The following TTPAL variants were observed in gnomAD, a reference collection of about 807,000 sequenced individuals.
TTPAL encodes the protein alpha tocopherol transfer protein like.
TTPAL carries 21 observed loss-of-function variants against 28.7 expected under a neutral mutation model. The observed-to-expected ratio is 0.73, with a 90% CI of 0.52 to 1.06. TTPAL has a LOEUF of 1.06. Among genes scored for constraint, TTPAL ranks in the 50% least tolerant of loss-of-function variants. TTPAL has a pLI of 0.00. For synonymous variants in TTPAL, 169 were observed against 171.9 expected (o/e 0.98, Z 0.13); for missense variants, 345 against 425.5 (o/e 0.81, Z 1.67).
At chr20:44,489,163 T>C in intron 4 of TTPAL, 100 bp from the exon 5 acceptor site, 1 of 1,342,958 alleles carries the variant, frequency 7.4e-7, no homozygotes. Context: ...ATTTCCTTTC[T>C]TCATTCAACA....
chr20:44,479,411 T>C (rs6103749), intron 1 of TTPAL, among the ~76,000 whole-genome samples: 16,592 of 51,152 alleles, frequency 0.32, 2,166 homozygotes, highest in African/African-American at 0.56. Flanking sequence ...TTTTTTTTTT[T>C]TTTTTTTTTT....
In TTPAL at chr20:44,486,802, C is replaced by A; in HGVS notation, c.750+96C>A. 3 of 695,250 alleles carry A rather than the reference C, an allele frequency of 4.3e-6. 1 individual carries two copies. In the South Asian group the frequency reaches 5.7e-5, roughly 13 times the overall value. The allele number at this position is 695,250 out of a possible 1,614,324, so 43.1% of individuals were successfully genotyped here. ...GTTTATTATTTTTGCCCTGGAACAA[C>A]TAATTTGGAAAAGTACAGAGTTACA... is the stretch of plus-strand genomic sequence containing the variant. On this transcript the variant is annotated intron_variant, in intron 4 of 4. Transcript: ENST00000262605.
In TTPAL at chr20:44,480,494, G is replaced by A; in HGVS notation, c.445+50G>A. ...TGTGTGTGTCCAGTCCTTCTGCAGTGTGTCCATTCAGCACCCTGTCCTCCT... is the reference window on the plus strand; with the variant it reads ...TGTGTGTGTCCAGTCCTTCTGCAGTATGTCCATTCAGCACCCTGTCCTCCT... On this transcript the variant is annotated intron_variant, in intron 2 of 4. Transcript: ENST00000262605. This position sits in a 1 kb window ranked among gnomAD's most constrained non-coding sequence, Gnocchi z 4.1. 6.6e-7 allele frequency: 1 copy of A among 1,504,374 alleles called. No individual in the cohort carries two copies. Among genetic ancestry groups the A allele is most frequent in the Non-Finnish European group, 8.9e-7 (1 of 1,120,056 alleles). 93.2% of individuals were successfully genotyped at this position (1,504,374 alleles called of 1,614,324 possible). A position where few individuals can be genotyped will look rare whatever the true frequency, so the allele number is the denominator to read the frequency against.
chr20:44,485,830 T>A (rs918748009), intron 3 of TTPAL: 5 of 152,186 alleles, frequency 3.3e-5, no homozygotes, highest in Non-Finnish European at 7.3e-5. Context: ...TCTTGTGAAT[T>A]TCACTGTAAG....
intron 2 of TTPAL, among the ~76,000 whole-genome samples, chr20:44,483,517 C>T (rs1158336625): frequency 6.6e-6 from 1 of 152,170 alleles, no homozygotes; most frequent in Non-Finnish European, 1.5e-5. Context: ...CAATCAATCC[C>T]CAGTCACTTG....
At position 44,480,322 on chromosome 20, in the gene TTPAL, G is replaced by C; in HGVS notation, c.323G>C (p.Ser108Thr). Reference protein sequence around the residue: ...LLVNYHSCRRSWPEVFNNLKP... With the variant: ...LLVNYHSCRRTWPEVFNNLKP... The stretch of plus-strand genomic sequence containing the variant: ...GTCAACTACCACAGCTGTAGAAGAA[G>C]CTGGCCCGAAGTCTTCAATAACTTG... Residue 108 changes from serine (S) to threonine (T), a missense_variant, in exon 2 of 5, where the codon AGC (serine) becomes ACC (threonine). Physicochemically the swap from Ser to Thr is moderately conservative, Grantham distance 58. Transcript: ENST00000262605. The surrounding 1 kb of genome is among the most constrained non-coding windows in gnomAD (Gnocchi z 4.1). 1 of 1,614,170 alleles carries C rather than the reference G, an allele frequency of 6.2e-7. No individual in the cohort carries two copies. The highest frequency in any genetic ancestry group is 8.5e-7 in the Non-Finnish European group (1 of 1,180,038).
rs1016097965 is a variant in TTPAL at position 44,480,049 on chromosome 20, T to C, written c.50T>C (p.Leu17Pro). ...AGAACCAGCCCTTCTGTGGCCTCACTCTCTGAAAATGAGCTGCCACCACCA... is the reference window on the plus strand; with the variant it reads ...AGAACCAGCCCTTCTGTGGCCTCACCCTCTGAAAATGAGCTGCCACCACCA... ...SLRTSPSVAS[L>P]SENELPPPPE... The change falls in exon 2 of 5, where the codon CTC becomes CCC. Residue 17 changes from leucine to proline, a missense_variant. Coordinates refer to ENST00000262605, the MANE Select transcript of TTPAL (RefSeq NM_001039199.3). This position sits in a 1 kb window ranked among gnomAD's most constrained non-coding sequence, Gnocchi z 4.1. The C allele has an allele frequency of 4.3e-6, 7 of 1,613,990 alleles. No homozygotes were observed. The South Asian group carries it at 7.7e-5, about 18-fold the overall frequency.
In TTPAL at chr20:44,489,928, C is replaced by T; in HGVS notation, c.*387C>T. 1 of 206,044 alleles carries T rather than the reference C, an allele frequency of 4.9e-6. No individual in the cohort carries two copies. The highest frequency in any genetic ancestry group is 8.5e-5 in the South Asian group (1 of 11,760). The allele number at this position is 206,044 out of a possible 1,614,324, so 12.8% of individuals were successfully genotyped here. On this transcript the variant is annotated 3_prime_UTR_variant, in exon 5 of 5. Transcript: ENST00000262605. ...TCCAGGAGAAAAACCACCTGTTTGG[C>T]CAGTGAGAACTACTTGTATGAAATA...
At chr20:44,484,264 G>T in intron 2 of TTPAL, 73 bp from the exon 3 acceptor site, 1 of 1,024,792 alleles carries the variant, frequency 9.8e-7, no homozygotes, top group African/African-American at 1.6e-5. Context: ...GTGATAGAAA[G>T]GAGATAAATC....
At chr20:44,476,528 C>G (rs756024195) in intron 1 of TTPAL, among the ~76,000 whole-genome samples, 16 of 152,230 alleles carry the variant, frequency 1.1e-4, no homozygotes, top group Non-Finnish European at 1.8e-4. Context: ...GTGTACAGAC[C>G]ACTGCCATGT....
In TTPAL at chr20:44,484,324, CTT is replaced by C. The variant is rs755970181; in HGVS notation, c.446-12_446-11del. 2.0e-6 allele frequency: 3 copies of C among 1,513,604 alleles called. No individual in the cohort carries two copies. Among genetic ancestry groups the C allele is most frequent in the East Asian group, 4.6e-5 (2 of 43,542 alleles). The allele number at this position is 1,513,604 out of a possible 1,614,324, so 93.8% of individuals were successfully genotyped here. On this transcript the variant is annotated splice_polypyrimidine_tract_variant and intron_variant, in intron 2 of 4. Transcript: ENST00000262605. ...AACTTCTGTAACATACTGTCAATCTCTTATGACCTTAGACAGATGGATACCAA... is the reference window on the plus strand; with the variant it reads ...AACTTCTGTAACATACTGTCAATCTCATGACCTTAGACAGATGGATACCAA...
At chr20:44,476,044 C>G (rs946617837) in intron 1 of TTPAL, 53 bp downstream of exon 1, 3 of 152,344 alleles carry the variant, frequency 2.0e-5, no homozygotes, top group Non-Finnish European at 4.4e-5. Context: ...AGAGGGACCC[C>G]TGAGAGGGAA....
At chr20:44,477,218 A>T (rs1298977511) in intron 1 of TTPAL, among the ~76,000 whole-genome samples, 2 of 152,194 alleles carry the variant, frequency 1.3e-5, no homozygotes, top group African/African-American at 4.8e-5. Context: ...GTGAACACTG[A>T]TGTTTGATGG....
At chr20:44,486,736 TTTC>T (rs770274832) in intron 4 of TTPAL, 30 bp downstream of exon 4, 19 of 1,336,304 alleles carry the variant, frequency 1.4e-5, no homozygotes, top group Non-Finnish European at 1.9e-5. Context: ...ACTTCAGATT[TTTC>T]TTTTCCTCTG....
At position 44,494,119 on chromosome 20, in the gene TTPAL, CAGG is replaced by C. The variant is rs1391218058; in HGVS notation, c.*4581_*4583del. ...TGCTAGTAACAAACATCACAGTCAA[CAGG>C]AGCTTGCTTCATGCGAAGGATCAAT... On this transcript the variant is annotated 3_prime_UTR_variant, in exon 5 of 5. Coordinates refer to ENST00000262605, the MANE Select transcript of TTPAL (RefSeq NM_001039199.3). The C allele has an allele frequency of 6.6e-6, 1 of 152,320 alleles. No individual in the cohort carries two copies. 9.4% of individuals were successfully genotyped at this position (152,320 alleles called of 1,614,324 possible). A position where few individuals can be genotyped will look rare whatever the true frequency, so the allele number is the denominator to read the frequency against.
chr20:44,477,740 C>T (rs1203430363), intron 1 of TTPAL, among the ~76,000 whole-genome samples: 1 of 151,966 alleles, frequency 6.6e-6, no homozygotes, highest in African/African-American at 2.4e-5. Flanking sequence ...CTGCAACCTC[C>T]GCTTCCTGGT....
intron 3 of TTPAL, chr20:44,485,713 A>T (rs1210470660): frequency 6.6e-6 from 1 of 152,208 alleles, no homozygotes; most frequent in Non-Finnish European, 1.5e-5. Context: ...TACCTTGTAG[A>T]TTCAAGTGTC....
chr20:44,478,728 T>C (rs548403635), intron 1 of TTPAL: 1 of 152,392 alleles, frequency 6.6e-6, no homozygotes, highest in South Asian at 2.1e-4. Flanking sequence ...TGATTTTCTG[T>C]ACACTATTCT....
Position 44,480,703 on chromosome 20 carries a change from A to C in TTPAL, c.445+259A>C, listed in dbSNP as rs1294423104. ...TTACTAGGGCCTAGAACCAAGAACC[A>C]GAATGCCACCAGGAGCCAAGACAGC... On this transcript the variant is annotated intron_variant, in intron 2 of 4. Coordinates refer to ENST00000262605, the MANE Select transcript of TTPAL (RefSeq NM_001039199.3). This position sits in a 1 kb window ranked among gnomAD's most constrained non-coding sequence, Gnocchi z 4.1. 6.6e-6 allele frequency among the ~76,000 whole-genome samples: 1 copy of C among 152,216 alleles called. No individual in the cohort carries two copies. Among genetic ancestry groups the C allele is most frequent in the Non-Finnish European group, 1.5e-5 (1 of 68,048 alleles).
Sources: gnomAD v4.1 joint callset for allele counts (sites outside exome capture counted in the v4.1 genomes callset) on GRCh38, gnomAD v4.1.1 for gene constraint, Gnocchi (gnomAD v3.1) non-coding constraint, MANE v1.5 for transcripts, NCBI Gene and HGNC (gene_info 2026-07-23, HGNC 2026-07-21) for gene names.